Variants in UNC5D observed in about 807,000 individuals in gnomAD.
The protein encoded by UNC5D is unc-5 netrin receptor D.
A neutral mutation model predicts 105.4 loss-of-function variants in UNC5D; 39 were observed. The observed-to-expected ratio is 0.37, with a 90% CI of 0.29 to 0.48. The LOEUF is 0.48. Ranked by LOEUF, UNC5D falls within the 20% of genes least tolerant of loss-of-function variation. The pLI is 0.98. For synonymous variants in UNC5D, 452 were observed against 450.4 expected (o/e 1.00, Z -0.04); for missense variants, 991 against 1,202.4 (o/e 0.82, Z 2.60).
chr8:35,458,087 C>T (rs1376083824), intron 1 of UNC5D, among the ~76,000 whole-genome samples: 3 of 152,100 alleles, frequency 2.0e-5, no homozygotes, highest in Non-Finnish European at 4.4e-5. Flanking sequence ...TACTGGAGAG[C>T]ACTGCTGCCT....
At chr8:35,767,127 G>A (rs764369840) in intron 15 of UNC5D, 61 bp downstream of exon 15, 31 of 1,513,954 alleles carry the variant, frequency 2.0e-5, no homozygotes, top group Non-Finnish European at 2.7e-5. Flanking sequence ...GAATAATAAA[G>A]CTATACCTAC....
At chr8:35,725,778 A>T (rs1828824924) in intron 9 of UNC5D, among the ~76,000 whole-genome samples, 1 of 152,144 alleles carries the variant, frequency 6.6e-6, no homozygotes, top group Non-Finnish European at 1.5e-5. Flanking sequence ...ACTGCAAAAC[A>T]TCTCTCCCCC....
chr8:35,652,204 G>A (rs1823456593), intron 4 of UNC5D, among the ~76,000 whole-genome samples: 1 of 152,110 alleles, frequency 6.6e-6, no homozygotes, highest in African/African-American at 2.4e-5. Context: ...AAGGCAAAAT[G>A]TTATTTTATG....
intron 1 of UNC5D, among the ~76,000 whole-genome samples, chr8:35,451,041 C>CTTTTT (rs11368288): frequency 9.6e-6 from 1 of 103,990 alleles, no homozygotes; most frequent in Non-Finnish European, 2.0e-5. Context: ...TAATAATAAT[C>CTTTTT]TTTTTTTTTT....
chr8:35,401,544 A>G (rs1416586464), intron 1 of UNC5D, among the ~76,000 whole-genome samples: 3 of 152,210 alleles, frequency 2.0e-5, no homozygotes, highest in Non-Finnish European at 2.9e-5. Context: ...TTCTGAGATG[A>G]GGACACCTCG....
rs777344312 is a variant in UNC5D, at chr8:35,686,501, A to C, written c.920-44A>C. 13 of 1,516,644 alleles carry C rather than the reference A, an allele frequency of 8.6e-6. No homozygotes were observed. In the Admixed American group the frequency reaches 1.3e-4, roughly 15 times the overall value. The allele number at this position is 1,516,644 out of a possible 1,614,324, so 93.9% of individuals were successfully genotyped here. On this transcript the variant is annotated intron_variant, in intron 6 of 16. Coordinates refer to ENST00000404895, the MANE Select transcript of UNC5D (RefSeq NM_080872.4). ...TCCTGGGGTGAGTCTCCTGACCGCT[A>C]CTTGATTCATTCTAACAATGGTTTC...
intron 4 of UNC5D, among the ~76,000 whole-genome samples, chr8:35,672,252 A>G (rs1824859800): frequency 6.6e-6 from 1 of 152,216 alleles, no homozygotes. Flanking sequence ...GGAACAAGAA[A>G]TGAAAACATA....
intron 3 of UNC5D, among the ~76,000 whole-genome samples, chr8:35,583,513 C>G (rs536747437): frequency 6.6e-6 from 1 of 152,202 alleles, no homozygotes; most frequent in Non-Finnish European, 1.5e-5. Context: ...ATCAAAAACA[C>G]TTTGATTTGG....
intron 1 of UNC5D, among the ~76,000 whole-genome samples, chr8:35,274,268 C>T (rs1186184725): frequency 6.6e-6 from 1 of 152,034 alleles, no homozygotes; most frequent in Non-Finnish European, 1.5e-5. Flanking sequence ...GGTGAAAAGC[C>T]GAGAGTGAAA....
intron 16 of UNC5D, among the ~76,000 whole-genome samples, chr8:35,787,828 C>T (rs1340030132): frequency 2.0e-5 from 3 of 152,044 alleles, no homozygotes; most frequent in Non-Finnish European, 4.4e-5. Context: ...CTATGTTTTC[C>T]AGGCTGGTCT....
intron 1 of UNC5D, among the ~76,000 whole-genome samples, chr8:35,435,344 C>A (rs949192931): frequency 6.6e-6 from 1 of 152,054 alleles, no homozygotes; most frequent in African/African-American, 2.4e-5. Context: ...CCAACAGTAG[C>A]AAAACATTCT....
chr8:35,430,027 G>A (rs74900708), intron 1 of UNC5D, among the ~76,000 whole-genome samples: 6,216 of 152,188 alleles, frequency 0.041, 440 homozygotes, highest in African/African-American at 0.14. Context: ...TATCCCTGGA[G>A]TCCCCAAGGT....
chr8:35,321,885 A>T (rs1468486043), intron 1 of UNC5D, among the ~76,000 whole-genome samples: 1 of 152,138 alleles, frequency 6.6e-6, no homozygotes, highest in Non-Finnish European at 1.5e-5. Context: ...GCTAATTAAC[A>T]AACCATGTGG....
At chr8:35,789,333 G>A (rs1802920619) in intron 16 of UNC5D, among the ~76,000 whole-genome samples, 1 of 150,494 alleles carries the variant, frequency 6.6e-6, no homozygotes, top group Non-Finnish European at 1.5e-5. Context: ...TTCGAGTTTT[G>A]AAAAACTAAA....
intron 1 of UNC5D, among the ~76,000 whole-genome samples, chr8:35,306,100 T>G (rs951587546): frequency 3.9e-5 from 6 of 152,102 alleles, no homozygotes; most frequent in Non-Finnish European, 5.9e-5. Flanking sequence ...TGTTTTGTTC[T>G]TCACCTGAAA....
In UNC5D at chr8:35,235,602, C is replaced by T; in HGVS notation, c.-183C>T. On this transcript the variant is annotated 5_prime_UTR_variant, in exon 1 of 17. Coordinates refer to ENST00000404895, the MANE Select transcript of UNC5D (RefSeq NM_080872.4). ...GGGAAGCTATGGGGACGCGCCCTTT[C>T]TCGGGGTGCCCATTCAGCGGCGGCT... 2.3e-6 allele frequency: 1 copy of T among 426,352 alleles called. No individual in the cohort carries two copies. Among genetic ancestry groups the T allele is most frequent in the Non-Finnish European group, 3.9e-6 (1 of 256,508 alleles). The allele number at this position is 426,352 out of a possible 1,614,324, so 26.4% of individuals were successfully genotyped here.
intron 11 of UNC5D, among the ~76,000 whole-genome samples, chr8:35,742,242 A>G (rs149770270): frequency 6.7e-6 from 1 of 149,584 alleles, no homozygotes; most frequent in Admixed American, 6.6e-5. Flanking sequence ...TAGGAGAGAG[A>G]TCTGACTCCA....
intron 1 of UNC5D, among the ~76,000 whole-genome samples, chr8:35,379,301 C>T (rs941591007): frequency 2.0e-5 from 3 of 152,136 alleles, no homozygotes; most frequent in Non-Finnish European, 4.4e-5. Context: ...TACATTTTAG[C>T]CCAATTCCCA....
chr8:35,753,719 A>G (rs945205037), intron 13 of UNC5D, among the ~76,000 whole-genome samples: 2 of 152,206 alleles, frequency 1.3e-5, no homozygotes, highest in African/African-American at 4.8e-5. Context: ...TGTTATTGAC[A>G]GGATGTATAT....
Sources: gnomAD v4.1 joint callset for allele counts (sites outside exome capture counted in the v4.1 genomes callset) on GRCh38, gnomAD v4.1.1 for gene constraint, MANE v1.5 for transcripts, NCBI Gene and HGNC (gene_info 2026-07-23, HGNC 2026-07-21) for gene names.